The following SEMA3A variants were observed in gnomAD, a reference collection of about 807,000 sequenced individuals.
SEMA3A encodes the protein semaphorin-3A.
SEMA3A carries 29 observed loss-of-function variants against 97.9 expected under a neutral mutation model. The ratio of observed to expected loss-of-function variants is 0.30; its 90% CI spans 0.22 to 0.40. The LOEUF (loss-of-function observed/expected upper bound fraction) is 0.40. SEMA3A is among the 10% of genes least tolerant of loss of function. The probability of loss-of-function intolerance (pLI) is 1.00; values close to 1 mark genes in which losing one functional copy is unlikely to be tolerated. For missense variants in SEMA3A, 763 were observed against 951.3 expected (o/e 0.80, Z 2.60); for synonymous variants, 321 against 323.7 (o/e 0.99, Z 0.09).
At chr7:84,203,808 G>A (rs141816313) in intron 3 of SEMA3A, among the ~76,000 whole-genome samples, 1 of 151,926 alleles carries the variant, frequency 6.6e-6, no homozygotes, top group East Asian at 1.9e-4. Context: ...TGGGATTACA[G>A]GAGTGAGCCA....
At position 84,005,291 on chromosome 7, in the gene SEMA3A, A is replaced by T. The variant is rs202088209; in HGVS notation, c.1360+48T>A. 5.5e-5 allele frequency: 73 copies of T among 1,336,304 alleles called. 1 individual carries two copies. In the East Asian group the frequency reaches 1.7e-3, roughly 30 times the overall value. The allele number at this position is 1,336,304 out of a possible 1,614,324, so 82.8% of individuals were successfully genotyped here. The stretch of plus-strand genomic sequence containing the variant: ...TGTTCAAAGATCAACTTAATCAGTT[A>T]AACATAGTGTTCGGAAAAAAGTTTA... On this transcript the variant is annotated intron_variant, in intron 11 of 16. Coordinates refer to ENST00000265362, the MANE Select transcript of SEMA3A (RefSeq NM_006080.3).
chr7:84,078,711 T>C (rs1199456553), intron 4 of SEMA3A, among the ~76,000 whole-genome samples: 1 of 151,944 alleles, frequency 6.6e-6, no homozygotes, highest in Non-Finnish European at 1.5e-5. Context: ...CTCATTGCTT[T>C]ATTATTATAC....
rs184935856 is a variant in SEMA3A, at chr7:84,283,153, A to C, written c.-83+24054T>G. On this transcript the variant is annotated intron_variant, in intron 3 of 3. Transcript: ENST00000424555. ...GTGTGTTTGGGGTTTAAAGGTTACG[A>C]ACAGTAAGAGGAAGCTTGGCTTCCA... Among the ~76,000 whole-genome samples, 313 of 152,232 alleles carry C rather than the reference A, an allele frequency of 2.1e-3. 1 individual carries two copies. The highest frequency in any genetic ancestry group is 7.4e-3 in the African/African-American group (306 of 41,534).
At chr7:84,459,650 A>G (rs1024298859) in intron 1 of SEMA3A, among the ~76,000 whole-genome samples, 2 of 152,228 alleles carry the variant, frequency 1.3e-5, no homozygotes, top group Admixed American at 1.3e-4. Flanking sequence ...TGCATTCAAT[A>G]AAGGTTTTAT....
intron 3 of SEMA3A, among the ~76,000 whole-genome samples, chr7:84,268,255 G>GTT (rs1229585166): frequency 1.5e-5 from 2 of 137,680 alleles, no homozygotes; most frequent in East Asian, 2.1e-4. Context: ...AAGCATGTGT[G>GTT]TGTGTGTGTG....
intron 4 of SEMA3A, among the ~76,000 whole-genome samples, chr7:84,067,834 A>T (rs993753372): frequency 6.7e-6 from 1 of 150,216 alleles, no homozygotes; most frequent in African/African-American, 2.5e-5. Context: ...GGGACTGTAA[A>T]CTAGTTCAAC....
intron 1 of SEMA3A, among the ~76,000 whole-genome samples, chr7:84,425,299 A>G (rs1209617275): frequency 1.7e-5 from 2 of 120,962 alleles, no homozygotes; most frequent in African/African-American, 6.8e-5. Flanking sequence ...TTATATTTAT[A>G]TAAATATATA....
At chr7:84,076,847 G>T (rs1426441503) in intron 4 of SEMA3A, among the ~76,000 whole-genome samples, 10 of 151,990 alleles carry the variant, frequency 6.6e-5, no homozygotes. Context: ...TAAATTTAAG[G>T]GACCTGAATT....
At chr7:84,232,545 C>G (rs1359454908) in intron 3 of SEMA3A, among the ~76,000 whole-genome samples, 1 of 151,314 alleles carries the variant, frequency 6.6e-6, no homozygotes, top group Non-Finnish European at 1.5e-5. Context: ...TATAACTATC[C>G]CTTTGTAAAT....
rs114054021 is a variant in SEMA3A at position 84,000,496 on chromosome 7, A to G, written c.1452+1459T>C. Among the ~76,000 whole-genome samples the G allele has an allele frequency of 3.2e-3, 484 of 152,316 alleles. 4 individuals are homozygous for G. The highest frequency in any genetic ancestry group is 0.011 in the African/African-American group (451 of 41,578). On this transcript the variant is annotated intron_variant, in intron 12 of 16. Coordinates refer to ENST00000265362, the MANE Select transcript of SEMA3A (RefSeq NM_006080.3). ...TTAGCTAAACTAAAATAATAAAATTATATTAACAATGACATTTTGAGCTAA... is the reference window on the plus strand; with the variant it reads ...TTAGCTAAACTAAAATAATAAAATTGTATTAACAATGACATTTTGAGCTAA...
intron 1 of SEMA3A, among the ~76,000 whole-genome samples, chr7:84,458,557 T>C (rs954211613): frequency 6.6e-6 from 1 of 152,088 alleles, no homozygotes; most frequent in Admixed American, 6.6e-5. Context: ...TTTGTGCACC[T>C]GAAAGTTAGA....
rs536034527 is a variant in SEMA3A, at chr7:84,005,022, C to T, written c.1360+317G>A. On this transcript the variant is annotated intron_variant, in intron 11 of 16. Coordinates refer to ENST00000265362, the MANE Select transcript of SEMA3A (RefSeq NM_006080.3). ...GGGTGATCCAGTTCCACTTAATGAA[C>T]ATTAAATATATTTTCTCTTCCCTAT... is the stretch of plus-strand genomic sequence containing the variant. Among the ~76,000 whole-genome samples, 7 of 152,254 alleles carry T rather than the reference C, an allele frequency of 4.6e-5. No individual in the cohort carries two copies. In the South Asian group the frequency reaches 8.3e-4, roughly 18 times the overall value.
chr7:84,283,187 G>A (rs1208279006), intron 3 of SEMA3A, among the ~76,000 whole-genome samples: 3 of 151,968 alleles, frequency 2.0e-5, no homozygotes, highest in Non-Finnish European at 4.4e-5. Context: ...CAGACTTACT[G>A]GAACACTTAA....
intron 3 of SEMA3A, among the ~76,000 whole-genome samples, chr7:84,294,210 T>C (rs1800816550): frequency 6.6e-6 from 1 of 152,036 alleles, no homozygotes. Flanking sequence ...ATATTCCTTT[T>C]CATGAATTAA....
At chr7:84,083,217 T>A (rs954340722) in intron 4 of SEMA3A, among the ~76,000 whole-genome samples, 20 of 151,858 alleles carry the variant, frequency 1.3e-4, no homozygotes, top group Admixed American at 1.1e-3. Context: ...TACATATATA[T>A]ATACACACAC....
intron 1 of SEMA3A, among the ~76,000 whole-genome samples, chr7:84,475,457 C>G (rs954123182): frequency 1.3e-5 from 2 of 152,088 alleles, no homozygotes; most frequent in Admixed American, 6.6e-5. Context: ...GAGAAAATCT[C>G]AAGTGAGAAA....
intron 4 of SEMA3A, among the ~76,000 whole-genome samples, chr7:84,107,115 A>C (rs1459641074): frequency 6.6e-6 from 1 of 152,212 alleles, no homozygotes; most frequent in East Asian, 1.9e-4. Flanking sequence ...TATGAACTCT[A>C]AGCCAATAAT....
At position 84,312,887 on chromosome 7, in the gene SEMA3A, T is replaced by C. The variant is rs1321857468; in HGVS notation, c.-168-5595A>G. 4.7e-3 allele frequency among the ~76,000 whole-genome samples: 194 copies of C among 41,590 alleles called. 7 individuals carry two copies. Among genetic ancestry groups the C allele is most frequent in the African/African-American group, 9.6e-3 (143 of 14,918 alleles). 27.3% of individuals were successfully genotyped at this position (41,590 alleles called of 152,430 possible). A position where few individuals can be genotyped will look rare whatever the true frequency, so the allele number is the denominator to read the frequency against. On this transcript the variant is annotated intron_variant, in intron 2 of 3. Transcript: ENST00000424555. Reference sequence around the variant, plus strand: ...TGGTGTTGTTTTATATATATATATATATATATATATATATATATATATATA... The same window carrying C: ...TGGTGTTGTTTTATATATATATATACATATATATATATATATATATATATA...
At chr7:84,403,186 T>C (rs994350897) in intron 1 of SEMA3A, among the ~76,000 whole-genome samples, 7 of 152,170 alleles carry the variant, frequency 4.6e-5, no homozygotes, top group Non-Finnish European at 8.8e-5. Context: ...GAAAATCAGG[T>C]CACTCCCACC....
Sources: allele counts gnomAD v4.1 joint callset (sites outside exome capture counted in the v4.1 genomes callset), GRCh38; gene constraint gnomAD v4.1.1; transcripts MANE v1.5; gene names NCBI Gene and HGNC (gene_info 2026-07-23, HGNC 2026-07-21).